The following DROSHA variants were observed in gnomAD, a reference collection of about 807,000 sequenced individuals.
DROSHA encodes ribonuclease 3.
Under a neutral mutation model 181.9 loss-of-function variants are expected in DROSHA, and 56 were observed. The ratio of observed to expected loss-of-function variants is 0.31; its 90% CI spans 0.25 to 0.38. The LOEUF is 0.38. Among genes scored for constraint, DROSHA ranks in the 10% least tolerant of loss-of-function variants. DROSHA has a pLI of 1.00. For synonymous variants in DROSHA, 524 were observed against 591.2 expected (o/e 0.89, Z 1.65); for missense variants, 1,218 against 1,743.5 (o/e 0.70, Z 5.37).
chr5:31,412,691 T>C (rs1359484609), intron 30 of DROSHA, among the ~76,000 whole-genome samples: 3 of 152,190 alleles, frequency 2.0e-5, no homozygotes, highest in Non-Finnish European at 4.4e-5. Flanking sequence ...CTTAGTCCCA[T>C]CTTTTCTTCA....
intron 33 of DROSHA, among the ~76,000 whole-genome samples, chr5:31,408,036 T>C (rs533789049): frequency 2.0e-5 from 3 of 152,324 alleles, no homozygotes; most frequent in South Asian, 2.1e-4. Flanking sequence ...TAATTTATAG[T>C]AGCTTGCTGT....
At chr5:31,467,872 T>A in intron 18 of DROSHA, 67 bp downstream of exon 18, 2 of 1,575,108 alleles carry the variant, frequency 1.3e-6, no homozygotes, top group South Asian at 2.3e-5. Flanking sequence ...TAAAGGGTAT[T>A]TCTCTGCTAA....
At chr5:31,466,443 G>A in intron 18 of DROSHA, 162 bp from the exon 19 acceptor site, 1 of 607,866 alleles carries the variant, frequency 1.6e-6, no homozygotes, top group Non-Finnish European at 2.9e-6. Flanking sequence ...TGACTTTGAG[G>A]CTGAGAGTCA....
intron 11 of DROSHA, among the ~76,000 whole-genome samples, chr5:31,499,128 G>T (rs1371464061): frequency 6.6e-6 from 1 of 152,172 alleles, no homozygotes; most frequent in Non-Finnish European, 1.5e-5. Context: ...GCAAGGCAGA[G>T]GTATAAAGGC....
Position 31,526,319 on chromosome 5 carries a change from C to T in DROSHA, c.614G>A (p.Arg205Lys), listed in dbSNP as rs1740556277. 6.2e-7 allele frequency: 1 copy of T among 1,613,708 alleles called. No homozygotes were observed. Among genetic ancestry groups the T allele is most frequent in the East Asian group, 2.2e-5 (1 of 44,878 alleles). ...SANNSSSPHF[R>K]HLPPYPLPKA... is the part of the protein sequence containing the mutation. ...TGGGAGTGGGTATGGAGGGAGATGT[C>T]TGAAATGAGGACTACTGCTGTTATT... Residue 205 changes from arginine (R) to lysine (K), a missense_variant, in exon 5 of 36, where the codon AGA becomes AAA. By Grantham distance (26) the Arg-to-Lys change is conservative (BLOSUM62 2). This residue lies in a region of DROSHA where 536 missense variants were observed against 535.4 expected (regional missense o/e 1.00). Coordinates refer to ENST00000344624, the MANE Select transcript of DROSHA (RefSeq NM_001382508.1).
Position 31,466,474 on chromosome 5 carries a change from G to A in DROSHA, c.2367-193C>T, listed in dbSNP as rs189168289. 3.0e-4 allele frequency: 154 copies of A among 519,078 alleles called. No homozygotes were observed. The East Asian group carries it at 4.9e-3, about 16-fold the overall frequency. The allele number at this position is 519,078 out of a possible 1,614,324, so 32.2% of individuals were successfully genotyped here. On this transcript the variant is annotated intron_variant, in intron 18 of 35. Coordinates refer to ENST00000344624, the MANE Select transcript of DROSHA (RefSeq NM_001382508.1). ...AGTCAGGATGGACAAGAGTCAACTG[G>A]AACCTGGTGATTAAGTTGATTATTG...
intron 26 of DROSHA, among the ~76,000 whole-genome samples, chr5:31,430,312 GTA>G (rs1744023410): frequency 6.6e-6 from 1 of 152,196 alleles, no homozygotes; most frequent in Non-Finnish European, 1.5e-5. Flanking sequence ...TATGTCCTGG[GTA>G]CCATGCAAAG....
Position 31,526,693 on chromosome 5 carries a change from G to T in DROSHA, c.240C>A (p.Pro80=). The T allele has an allele frequency of 6.5e-7, 1 of 1,527,400 alleles. No homozygotes were observed. 94.6% of individuals were successfully genotyped at this position (1,527,400 alleles called of 1,614,324 possible). The change falls in exon 5 of 36, where the codon CCC becomes CCA. Residue 80 remains proline, a synonymous_variant. Coordinates refer to ENST00000344624, the MANE Select transcript of DROSHA (RefSeq NM_001382508.1). The stretch of plus-strand genomic sequence containing the variant: ...CTGACGGAGGCATGGGTGGGGGGAA[G>T]GGTACAAAGTCTGGTCGTGGAGGGA... The part of the protein sequence containing the change: ...NFLPPRPDFV[P]FPPPMPPSAQ...
At chr5:31,494,651 G>A (rs571497426) in intron 12 of DROSHA, among the ~76,000 whole-genome samples, 1 of 152,022 alleles carries the variant, frequency 6.6e-6, no homozygotes, top group African/African-American at 2.4e-5. Flanking sequence ...AGCAAAAATG[G>A]TACAGCCACT....
intron 23 of DROSHA, among the ~76,000 whole-genome samples, chr5:31,437,731 C>A (rs527687655): frequency 6.6e-6 from 1 of 152,194 alleles, no homozygotes; most frequent in Non-Finnish European, 1.5e-5. Context: ...AACCCAGCAT[C>A]TGAAGTCCTT....
chr5:31,405,375 C>CAA (rs554435489), intron 35 of DROSHA, among the ~76,000 whole-genome samples: 29 of 119,882 alleles, frequency 2.4e-4, no homozygotes, highest in Middle Eastern at 4.4e-3. Flanking sequence ...AACTCCATCT[C>CAA]AAAAAAAAAA....
chr5:31,497,868 G>T (rs925056203), intron 11 of DROSHA, among the ~76,000 whole-genome samples: 1 of 152,198 alleles, frequency 6.6e-6, no homozygotes, highest in Non-Finnish European at 1.5e-5. Context: ...TGCTCAAGCA[G>T]TTTATTCTGC....
At chr5:31,459,893 C>CT (rs886897407) in intron 20 of DROSHA, among the ~76,000 whole-genome samples, 168 of 151,532 alleles carry the variant, frequency 1.1e-3, no homozygotes, top group African/African-American at 3.9e-3. Flanking sequence ...CCTGTGCTTC[C>CT]TTTTTTTTTC....
intron 6 of DROSHA, among the ~76,000 whole-genome samples, chr5:31,519,350 C>T (rs1739616413): frequency 6.6e-6 from 1 of 152,076 alleles, no homozygotes; most frequent in Non-Finnish European, 1.5e-5. Flanking sequence ...CTAATTAATC[C>T]CATCTAACCC....
chr5:31,493,344 G>A lies in DROSHA; in HGVS notation c.1756-51C>T, dbSNP rs991081717. On this transcript the variant is annotated intron_variant, in intron 12 of 35. Transcript: ENST00000344624. ...CCAAATTAAATAAATGACATGAGTT[G>A]CATATGCAGAAATCCATCAGGACAG... The A allele has an allele frequency of 6.0e-6, 9 of 1,493,658 alleles. 1 individual carries two copies. In the Admixed American group the frequency reaches 1.9e-4, roughly 31 times the overall value. 92.5% of individuals were successfully genotyped at this position (1,493,658 alleles called of 1,614,324 possible).
At chr5:31,455,936 C>T (rs1263756613) in intron 20 of DROSHA, among the ~76,000 whole-genome samples, 1 of 152,134 alleles carries the variant, frequency 6.6e-6, no homozygotes, top group Non-Finnish European at 1.5e-5. Flanking sequence ...GTACCTGTAC[C>T]TGACCATATT....
At chr5:31,486,278 G>C (rs1580263529) in intron 14 of DROSHA, among the ~76,000 whole-genome samples, 1 of 152,088 alleles carries the variant, frequency 6.6e-6, no homozygotes, top group Non-Finnish European at 1.5e-5. Flanking sequence ...AAGGAGAAAG[G>C]GGTATAAAAA....
At chr5:31,423,055 T>C (rs745439095) in intron 28 of DROSHA, 111 bp from the exon 29 acceptor site, 3 of 1,058,618 alleles carry the variant, frequency 2.8e-6, no homozygotes, top group Non-Finnish European at 3.9e-6. Flanking sequence ...GAGCAGAAAT[T>C]TCTGAAATGC....
At chr5:31,466,354 T>TAA in intron 18 of DROSHA, 73 bp from the exon 19 acceptor site, 1 of 1,228,934 alleles carries the variant, frequency 8.1e-7, no homozygotes, top group Non-Finnish European at 1.2e-6. Context: ...CCAGTTATTT[T>TAA]AAGAGGCCTC....
Sources: allele counts gnomAD v4.1 joint callset (sites outside exome capture counted in the v4.1 genomes callset), GRCh38; gene constraint gnomAD v4.1.1; regional missense constraint gnomAD v4.1.1; transcripts MANE v1.5; gene names NCBI Gene and HGNC (gene_info 2026-07-23, HGNC 2026-07-21).